Variants in LEMD3 observed in about 807,000 individuals in gnomAD.
The protein encoded by LEMD3 is LEM domain containing 3.
Under a neutral mutation model 95.2 loss-of-function variants are expected in LEMD3, and 33 were observed. The ratio of observed to expected loss-of-function variants is 0.35; its 90% confidence interval spans 0.26 to 0.46. LEMD3 has a LOEUF of 0.46. Ranked by LOEUF, LEMD3 falls within the 20% of genes least tolerant of loss-of-function variation. The pLI is 1.00. For synonymous variants in LEMD3, 525 were observed against 474.6 expected, an observed-to-expected ratio of 1.11 and a Z score of -1.38; for missense variants, 1,210 against 1,192.8, an observed-to-expected ratio of 1.01 and a Z score of -0.21.
At chr12:65,225,791 A>G (rs1870430514) in intron 4 of LEMD3, among the ~76,000 whole-genome samples, 1 of 152,176 alleles carries the variant, frequency 6.6e-6, no homozygotes, top group Non-Finnish European at 1.5e-5. Flanking sequence ...CATGTTAGCC[A>G]GGATGGTCTC....
chr12:65,182,387 G>A (rs1868934320), intron 1 of LEMD3, among the ~76,000 whole-genome samples: 1 of 152,086 alleles, frequency 6.6e-6, no homozygotes, highest in Admixed American at 6.6e-5. Flanking sequence ...ATATATAACT[G>A]TAATTTTAAT....
chr12:65,218,428 T>C lies in LEMD3; in HGVS notation c.1628-124T>C, dbSNP rs1024859711. On this transcript the variant is annotated intron_variant, in intron 3 of 12. Coordinates refer to ENST00000308330, the MANE Select transcript of LEMD3 (RefSeq NM_014319.5). ...TAAATAATATTGTTCATGTTCTTTC[T>C]TTACTGATTATAATAATATAACCTG... is the stretch of plus-strand genomic sequence containing the variant. The C allele has an allele frequency of 5.7e-6, 3 of 530,438 alleles. No individual in the cohort carries two copies. The African/African-American group carries it at 6.0e-5, about 11-fold the overall frequency. The allele number at this position is 530,438 out of a possible 1,614,324, so 32.9% of individuals were successfully genotyped here.
At chr12:65,191,982 G>GTC (rs1253700190) in intron 1 of LEMD3, among the ~76,000 whole-genome samples, 2 of 139,972 alleles carry the variant, frequency 1.4e-5, no homozygotes, top group Non-Finnish European at 3.1e-5. Flanking sequence ...GGGAAAGTTT[G>GTC]TCAAAAATAT....
intron 4 of LEMD3, among the ~76,000 whole-genome samples, chr12:65,229,651 C>T (rs1870563597): frequency 6.6e-6 from 1 of 152,040 alleles, no homozygotes; most frequent in Admixed American, 6.6e-5. Context: ...GGCATTTTTC[C>T]ATATGCCTGT....
intron 4 of LEMD3, among the ~76,000 whole-genome samples, chr12:65,233,215 C>T (rs1380919283): frequency 6.6e-6 from 1 of 152,140 alleles, no homozygotes; most frequent in Non-Finnish European, 1.5e-5. Context: ...AAAGTACTTG[C>T]TCTTTTCTAT....
intron 1 of LEMD3, among the ~76,000 whole-genome samples, chr12:65,187,650 G>GGTCCA (rs1869108112): frequency 1.3e-5 from 2 of 151,850 alleles, no homozygotes; most frequent in African/African-American, 4.8e-5. Context: ...CTTAAACAGT[G>GGTCCA]GTCCATCAAT....
At chr12:65,175,421 T>G (rs1354729238) in intron 1 of LEMD3, among the ~76,000 whole-genome samples, 7 of 152,312 alleles carry the variant, frequency 4.6e-5, no homozygotes, top group Admixed American at 1.3e-4. Flanking sequence ...CTCTATTTTC[T>G]TCCCTGCCAT....
chr12:65,172,821 G>A (rs1311509399), intron 1 of LEMD3, among the ~76,000 whole-genome samples: 1 of 151,738 alleles, frequency 6.6e-6, no homozygotes, highest in African/African-American at 2.4e-5. Flanking sequence ...CGCCTCCTGG[G>A]TTCAAGTGAT....
chr12:65,238,134 G>A (rs888985105), intron 4 of LEMD3, among the ~76,000 whole-genome samples: 1 of 152,072 alleles, frequency 6.6e-6, no homozygotes, highest in African/African-American at 2.4e-5. Flanking sequence ...AATTAGCTGG[G>A]CCTGGTAGCT....
chr12:65,244,690 A>G (rs376194600), intron 10 of LEMD3, among the ~76,000 whole-genome samples: 14 of 152,120 alleles, frequency 9.2e-5, no homozygotes, highest in Admixed American at 2.6e-4. Flanking sequence ...GCTCACACCT[A>G]TAATCCCAGT....
At chr12:65,206,809 C>G (rs1485855756) in intron 1 of LEMD3, among the ~76,000 whole-genome samples, 1 of 152,064 alleles carries the variant, frequency 6.6e-6, no homozygotes, top group Non-Finnish European at 1.5e-5. Flanking sequence ...CCCTCCATAT[C>G]CCCATTTTTG....
chr12:65,243,377 G>GTT lies in LEMD3; in HGVS notation c.2306-6_2306-5dup, dbSNP rs1387239447. 3.3e-6 allele frequency: 5 copies of GTT among 1,514,964 alleles called. No individual in the cohort carries two copies. The highest frequency in any genetic ancestry group is 4.6e-6 in the Non-Finnish European group (5 of 1,089,738). The allele number at this position is 1,514,964 out of a possible 1,614,324, so 93.8% of individuals were successfully genotyped here. Reference sequence around the variant, plus strand: ...CAATGTCAAATAGTAAAACTAACTTGTTTTTTGTAGCATTTCATTTAGATA... The same window carrying GTT: ...CAATGTCAAATAGTAAAACTAACTTGTTTTTTTTGTAGCATTTCATTTAGATA... On this transcript the variant is annotated splice_polypyrimidine_tract_variant and intron_variant, in intron 9 of 12. Coordinates refer to ENST00000308330, the MANE Select transcript of LEMD3 (RefSeq NM_014319.5).
intron 1 of LEMD3, among the ~76,000 whole-genome samples, chr12:65,198,281 A>T (rs1244966618): frequency 6.6e-6 from 1 of 152,156 alleles, no homozygotes; most frequent in Non-Finnish European, 1.5e-5. Context: ...ATTAGCATAA[A>T]TTACTTTGGG....
intron 4 of LEMD3, among the ~76,000 whole-genome samples, chr12:65,228,398 ATTTAT>A (rs1565795789): frequency 3.4e-5 from 5 of 146,300 alleles, no homozygotes; most frequent in African/African-American, 1.2e-4. Context: ...TTATTTATTT[ATTTAT>A]TTTTTTTTTT....
rs1253867726 is a variant in LEMD3, at chr12:65,241,378, A to G, written c.2305+291A>G. Among the ~76,000 whole-genome samples, 7 of 151,606 alleles carry G rather than the reference A, an allele frequency of 4.6e-5. No individual in the cohort carries two copies. In the East Asian group the frequency reaches 1.4e-3, roughly 29 times the overall value. The stretch of plus-strand genomic sequence containing the variant: ...ATATTAACTGCATTCTTTTCATCTA[A>G]TTTCTTTATGTAAATAAGACACATA... On this transcript the variant is annotated intron_variant, in intron 9 of 12. Coordinates refer to ENST00000308330, the MANE Select transcript of LEMD3 (RefSeq NM_014319.5).
At chr12:65,221,561 A>G (rs569750245) in intron 4 of LEMD3, among the ~76,000 whole-genome samples, 84 of 152,008 alleles carry the variant, frequency 5.5e-4, no homozygotes, top group African/African-American at 1.7e-3. Context: ...AGGGCTTTCT[A>G]TGTATAAGAT....
intron 4 of LEMD3, among the ~76,000 whole-genome samples, chr12:65,223,812 A>G (rs898638219): frequency 5.8e-5 from 8 of 137,906 alleles, no homozygotes; most frequent in East Asian, 2.1e-4. Context: ...CCCCTTTTCC[A>G]TATCTTACTC....
At chr12:65,219,862 A>G (rs547213309) in intron 4 of LEMD3, among the ~76,000 whole-genome samples, 1 of 152,164 alleles carries the variant, frequency 6.6e-6, no homozygotes, top group South Asian at 2.1e-4. Flanking sequence ...TTTCATCCAT[A>G]TTGTAACATG....
intron 1 of LEMD3, among the ~76,000 whole-genome samples, chr12:65,189,526 C>T (rs1279406089): frequency 6.6e-6 from 1 of 152,160 alleles, no homozygotes; most frequent in African/African-American, 2.4e-5. Flanking sequence ...TGCCCAGTAC[C>T]CGCCTGTAGG....
Sources: allele counts gnomAD v4.1 joint callset (sites outside exome capture counted in the v4.1 genomes callset), GRCh38; gene constraint gnomAD v4.1.1; transcripts MANE v1.5; gene names NCBI Gene and HGNC (gene_info 2026-07-23, HGNC 2026-07-21).